TENT5D: variants seen among roughly 807,000 people sequenced by gnomAD.
TENT5D encodes the protein cancer/testis antigen 112.
For synonymous variants in TENT5D, 103 were observed against 100.6 expected (o/e 1.02, Z -0.15); for missense variants, 191 against 287.0 (o/e 0.67, Z 2.42).
intron 3 of TENT5D, among the ~76,000 whole-genome samples, chrX:80,376,520 T>G (rs1337965108): frequency 1.8e-5 from 2 of 111,593 alleles, no homozygotes; most frequent in African/African-American, 6.5e-5. Context: ...TAACAGAATG[T>G]GCAATAAGCA....
chrX:80,412,623 T>C (rs1380338643), intron 3 of TENT5D, among the ~76,000 whole-genome samples: 2 of 111,545 alleles, frequency 1.8e-5, no homozygotes, highest in Non-Finnish European at 3.8e-5. Context: ...TCCACAAATC[T>C]CTAGGGCAGG....
At chrX:80,403,220 ACAAT>A (rs1021694441) in intron 3 of TENT5D, among the ~76,000 whole-genome samples, 7 of 112,155 alleles carry the variant, frequency 6.2e-5, no homozygotes, top group African/African-American at 1.9e-4. Context: ...ACTCTTATAA[ACAAT>A]CAATTAAATG....
intron 3 of TENT5D, among the ~76,000 whole-genome samples, chrX:80,407,888 T>G (rs1158564243): frequency 9.1e-6 from 1 of 109,402 alleles, no homozygotes; most frequent in Non-Finnish European, 1.9e-5. Flanking sequence ...GAACAGAAAT[T>G]ATAACAAACT....
At chrX:80,416,070 T>G (rs1219044404), upstream of TENT5D, among the ~76,000 whole-genome samples, 1 of 111,166 alleles carries the variant, frequency 9.0e-6, no homozygotes, top group Non-Finnish European at 1.9e-5. Flanking sequence ...TTTTCTAGTT[T>G]GTGTGTGTAG....
chrX:80,360,162 A>G (rs1930376028), intron 3 of TENT5D, among the ~76,000 whole-genome samples: 1 of 112,221 alleles, frequency 8.9e-6, no homozygotes, highest in African/African-American at 3.2e-5. Flanking sequence ...TTAATATAAT[A>G]CAAAAGTAAT....
At position 80,403,594 on chromosome X, in the gene TENT5D, C is replaced by T. The variant is rs553368829; in HGVS notation, c.-141-35016C>T. Reference sequence around the variant, plus strand: ...TGCTTTATAAGATGTTTAGAGTATCCCTAGCTGGATAATTCTTTGTTGTGG... The same window carrying T: ...TGCTTTATAAGATGTTTAGAGTATCTCTAGCTGGATAATTCTTTGTTGTGG... On this transcript the variant is annotated intron_variant, in intron 3 of 4. Coordinates refer to the TENT5D transcript ENST00000538312. Among the ~76,000 whole-genome samples the T allele has an allele frequency of 3.6e-4, 40 of 111,968 alleles. No homozygotes were observed. In the South Asian group the frequency reaches 0.015, roughly 41 times the overall value.
At chrX:80,411,287 T>C (rs1329648890) in intron 3 of TENT5D, among the ~76,000 whole-genome samples, 1 of 111,907 alleles carries the variant, frequency 8.9e-6, no homozygotes, top group Non-Finnish European at 1.9e-5. Flanking sequence ...ACCAAGTCTT[T>C]AGTGTATAAG....
At chrX:80,388,808 C>T (rs1931071337) in intron 3 of TENT5D, among the ~76,000 whole-genome samples, 1 of 111,558 alleles carries the variant, frequency 9.0e-6, no homozygotes, top group African/African-American at 3.3e-5. Context: ...CACACCGGGA[C>T]CTGCCTAGGA....
chrX:80,366,968 A>G (rs1319006878), intron 3 of TENT5D, among the ~76,000 whole-genome samples: 1 of 111,639 alleles, frequency 9.0e-6, no homozygotes, highest in African/African-American at 3.2e-5. Context: ...TAGAAAATAT[A>G]TGCATTTTAT....
At chrX:80,348,226 G>A (rs1930106312) in intron 3 of TENT5D, among the ~76,000 whole-genome samples, 1 of 111,696 alleles carries the variant, frequency 9.0e-6, no homozygotes, top group African/African-American at 3.3e-5. Flanking sequence ...AGCTTGATGG[G>A]GATACCCTTG....
intron 3 of TENT5D, among the ~76,000 whole-genome samples, chrX:80,392,495 CTTTTTTTTTTTTTTTT>C (rs72029455): frequency 1.2e-4 from 3 of 24,289 alleles, no homozygotes; most frequent in East Asian, 2.8e-3. Context: ...TCATTTTATT[CTTTTTTTTTTTTTTTT>C]TTTTTTTTTT....
chrX:80,358,966 G>A (rs1430549930), intron 3 of TENT5D, among the ~76,000 whole-genome samples: 2 of 111,760 alleles, frequency 1.8e-5, no homozygotes, highest in Admixed American at 9.5e-5. Context: ...AGAACAACTA[G>A]ATCAAATACA....
chrX:80,438,159 G>A (rs973440403), intron 1 of TENT5D, among the ~76,000 whole-genome samples: 7 of 110,562 alleles, frequency 6.3e-5, no homozygotes, highest in Admixed American at 1.9e-4. Context: ...TTCCTTTACC[G>A]TTTCTTCTCA....
intron 3 of TENT5D, among the ~76,000 whole-genome samples, chrX:80,407,364 G>C (rs1389264573): frequency 2.3e-4 from 25 of 110,174 alleles, no homozygotes; most frequent in Non-Finnish European, 3.8e-5. Flanking sequence ...CCATCTCATG[G>C]GCAGAGACAC....
At chrX:80,407,798 A>T (rs1931537105) in intron 3 of TENT5D, among the ~76,000 whole-genome samples, 1 of 105,977 alleles carries the variant, frequency 9.4e-6, no homozygotes, top group African/African-American at 3.5e-5. Context: ...CAGAATATAC[A>T]TTTTTTTCAG....
At chrX:80,385,781 T>G (rs1335334358) in intron 3 of TENT5D, among the ~76,000 whole-genome samples, 1 of 112,282 alleles carries the variant, frequency 8.9e-6, no homozygotes, top group Middle Eastern at 4.6e-3. Flanking sequence ...CAGACACTTC[T>G]CAAAAGAAGA....
chrX:80,345,295 A>C (rs1486410776), intron 3 of TENT5D, among the ~76,000 whole-genome samples: 1 of 111,548 alleles, frequency 9.0e-6, no homozygotes, highest in African/African-American at 3.3e-5. Flanking sequence ...GTTTCGCTTG[A>C]GAGTCCCTTT....
At chrX:80,385,682 G>A (rs1189204324) in intron 3 of TENT5D, among the ~76,000 whole-genome samples, 34 of 111,763 alleles carry the variant, frequency 3.0e-4, no homozygotes, top group African/African-American at 1.1e-3. Context: ...ATCTGACAAA[G>A]GGCTAATATC....
At chrX:80,407,940 A>G (rs1382326442) in intron 3 of TENT5D, among the ~76,000 whole-genome samples, 2 of 111,706 alleles carry the variant, frequency 1.8e-5, no homozygotes, top group Admixed American at 1.9e-4. Flanking sequence ...ACTCAGGATT[A>G]AGAATCTCAC....
Sources: gnomAD v4.1 joint callset for allele counts (sites outside exome capture counted in the v4.1 genomes callset) on GRCh38, gnomAD v4.1.1 for gene constraint, MANE v1.5 for transcripts, NCBI Gene and HGNC (gene_info 2026-07-23, HGNC 2026-07-21) for gene names.